MTERF4: variants seen among roughly 807,000 people sequenced by gnomAD.
The protein encoded by MTERF4 is transcription termination factor 4, mitochondrial.
MTERF4 carries 17 observed loss-of-function variants against 22.5 expected under a neutral mutation model. That is an observed-to-expected ratio of 0.75 (90% CI 0.52 to 1.13). MTERF4 has a LOEUF of 1.13. Among genes scored for constraint, MTERF4 ranks in the 50% most tolerant of loss-of-function variants. The probability of loss-of-function intolerance (pLI) is 0.00; values close to 1 mark genes in which losing one functional copy is unlikely to be tolerated. For missense variants in MTERF4, 420 were observed against 466.8 expected, an observed-to-expected ratio of 0.90 and a Z score of 0.92; for synonymous variants, 165 against 175.3, an observed-to-expected ratio of 0.94 and a Z score of 0.47.
chr2:241,088,254 T>A (rs2063686928), downstream of MTERF4: 7 of 785,128 alleles, frequency 8.9e-6, no homozygotes, highest in African/African-American at 1.7e-5. Context: ...CACCGTGGAA[T>A]GTATGTGAGC....
At chr2:241,056,812 A>C in the MTERF4 span, among the ~76,000 whole-genome samples, 1 of 149,916 alleles carries the variant, frequency 6.7e-6, no homozygotes, top group Non-Finnish European at 1.5e-5. Flanking sequence ...CGATCTCCTG[A>C]CCTCGTGATC....
intron 2 of MTERF4, 96 bp downstream of exon 2, chr2:241,099,300 C>G: frequency 1.5e-6 from 2 of 1,379,064 alleles, no homozygotes; most frequent in Non-Finnish European, 9.9e-7. Flanking sequence ...ATCTTGAACC[C>G]CTGACCTCAA....
the MTERF4 span, chr2:241,063,528 G>A: frequency 1.8e-6 from 2 of 1,085,754 alleles, no homozygotes; most frequent in Non-Finnish European, 2.8e-6. Context: ...GAATCCTGGG[G>A]GCATGTGGGC....
downstream of MTERF4, chr2:241,087,711 T>C: frequency 4.4e-6 from 6 of 1,359,208 alleles, no homozygotes; most frequent in South Asian, 9.8e-5. Flanking sequence ...GGGGGGTCAC[T>C]CTGGTTATGC....
chr2:241,078,036 G>A (rs540612600), intron 4 of MTERF4, among the ~76,000 whole-genome samples: 135 of 152,260 alleles, frequency 8.9e-4, no homozygotes, highest in African/African-American at 3.1e-3. Context: ...AATATTTATA[G>A]CAGCACAGCA....
chr2:241,068,831 G>A, downstream of MTERF4: 1 of 991,934 alleles, frequency 1.0e-6, no homozygotes, highest in Non-Finnish European at 1.5e-6. This position sits in a 1 kb window ranked among gnomAD's most constrained non-coding sequence, Gnocchi z 5.3. Flanking sequence ...CCTCCTGCCT[G>A]GGGGAGCTGC....
At chr2:241,100,091 C>T in intron 1 of MTERF4, 197 bp from the exon 2 acceptor site, 1 of 602,190 alleles carries the variant, frequency 1.7e-6, no homozygotes, top group Non-Finnish European at 2.8e-6. Flanking sequence ...TTCAAGGCCA[C>T]AGAGATGGGA....
chr2:241,080,664 C>G (rs1244037060), intron 4 of MTERF4, among the ~76,000 whole-genome samples: 1 of 152,246 alleles, frequency 6.6e-6, no homozygotes, highest in Non-Finnish European at 1.5e-5. Flanking sequence ...AATTGAGCAT[C>G]AGGAAAACAA....
chr2:241,099,965 G>C (rs759054096), intron 1 of MTERF4, 71 bp from the exon 2 acceptor site: 2 of 1,524,340 alleles, frequency 1.3e-6, no homozygotes, highest in African/African-American at 1.4e-5. Context: ...TAAGACTTCT[G>C]AGCCAGAGTA....
At chr2:241,077,652 C>A (rs2063093504) in intron 4 of MTERF4, among the ~76,000 whole-genome samples, 1 of 152,092 alleles carries the variant, frequency 6.6e-6, no homozygotes, top group Admixed American at 6.6e-5. Flanking sequence ...GACAACTAAA[C>A]AATAAAAAGA....
At chr2:241,070,137 A>G (rs748213128), downstream of MTERF4, 3 of 1,611,534 alleles carry the variant, frequency 1.9e-6, no homozygotes, top group Non-Finnish European at 2.5e-6. Flanking sequence ...TCTCTGTGAT[A>G]GCAGTGCAGA....
At chr2:241,050,248 G>A in the MTERF4 span, among the ~76,000 whole-genome samples, 1 of 152,272 alleles carries the variant, frequency 6.6e-6, no homozygotes, top group East Asian at 1.9e-4. Flanking sequence ...AATTTCCATA[G>A]GATTTTGCTC....
At chr2:241,100,290 G>A (rs2064643618) in intron 1 of MTERF4, among the ~76,000 whole-genome samples, 3 of 152,130 alleles carry the variant, frequency 2.0e-5, no homozygotes, top group Admixed American at 1.3e-4. Flanking sequence ...TACAGAGTTG[G>A]CCCTTGAACA....
chr2:241,101,178 A>C (rs780222308), intron 1 of MTERF4: 1 of 466,718 alleles, frequency 2.1e-6, no homozygotes, highest in South Asian at 1.6e-5. Flanking sequence ...ATGTAGAATC[A>C]CTGGGAGCCC....
At chr2:241,058,592 G>A in the MTERF4 span, among the ~76,000 whole-genome samples, 2 of 152,188 alleles carry the variant, frequency 1.3e-5, no homozygotes, top group African/African-American at 4.8e-5. Flanking sequence ...ATTAGAAAAT[G>A]TAATTATAAA....
chr2:241,049,081 G>A, the MTERF4 span: 1 of 1,613,536 alleles, frequency 6.2e-7, no homozygotes, highest in Non-Finnish European at 8.5e-7. Flanking sequence ...CTACTGCATG[G>A]AGCACGGCGG....
chr2:241,093,430 T>C (rs1181754957), downstream of MTERF4: 1 of 151,756 alleles, frequency 6.6e-6, no homozygotes, highest in African/African-American at 2.5e-5. Flanking sequence ...ACACAGCAAA[T>C]GCTAATATGC....
downstream of MTERF4, chr2:241,087,923 C>T: frequency 2.4e-6 from 1 of 414,064 alleles, no homozygotes; most frequent in Non-Finnish European, 4.2e-6. Flanking sequence ...ATATTATATG[C>T]TTTAGAAACC....
At chr2:241,047,146 C>CA in the MTERF4 span, among the ~76,000 whole-genome samples, 1,966 of 67,650 alleles carry the variant, frequency 0.029, 47 homozygotes, top group Middle Eastern at 0.034. Context: ...GAGACTCTGT[C>CA]AAAAAAAAAA....
Sources: allele counts gnomAD v4.1 joint callset (sites outside exome capture counted in the v4.1 genomes callset), GRCh38; gene constraint gnomAD v4.1.1; non-coding constraint Gnocchi (gnomAD v3.1); transcripts MANE v1.5; gene names NCBI Gene and HGNC (gene_info 2026-07-23, HGNC 2026-07-21).